YEATS2: variants seen among roughly 807,000 people sequenced by gnomAD.
YEATS2 encodes the protein YEATS domain-containing protein 2.
YEATS2 carries 77 observed loss-of-function variants against 163.2 expected under a neutral mutation model. The observed-to-expected ratio is 0.47, with a 90% CI of 0.39 to 0.57. The LOEUF (loss-of-function observed/expected upper bound fraction) is 0.57, where lower values mean the gene tolerates loss of function less well. YEATS2 is among the 20% of genes least tolerant of loss of function. The pLI, the probability that YEATS2 is intolerant of heterozygous loss-of-function variation, is 0.00. For missense variants in YEATS2, 1,549 were observed against 1,729.8 expected, an observed-to-expected ratio of 0.90 and a Z score of 1.85; for synonymous variants, 631 against 645.1, an observed-to-expected ratio of 0.98 and a Z score of 0.33.
intron 16 of YEATS2, among the ~76,000 whole-genome samples, chr3:183,772,782 C>T (rs1369506630): frequency 1.3e-5 from 2 of 148,596 alleles, no homozygotes; most frequent in African/African-American, 4.9e-5. Context: ...CACACACCCA[C>T]ATACACACAC....
intron 26 of YEATS2, 132 bp from the exon 27 acceptor site, chr3:183,803,855 A>T (rs1725921320): frequency 1.1e-6 from 1 of 898,876 alleles, no homozygotes; most frequent in Non-Finnish European, 1.7e-6. Flanking sequence ...GAGTAACACA[A>T]CCAGGTTTTT....
At chr3:183,703,475 G>A (rs1482890318) in intron 1 of YEATS2, among the ~76,000 whole-genome samples, 1 of 151,996 alleles carries the variant, frequency 6.6e-6, no homozygotes, top group Admixed American at 6.6e-5. Context: ...AGTAGTTGTG[G>A]TTTTTACTTT....
intron 6 of YEATS2, among the ~76,000 whole-genome samples, chr3:183,727,727 A>G (rs1006062335): frequency 5.3e-5 from 8 of 152,190 alleles, no homozygotes; most frequent in African/African-American, 1.9e-4. Flanking sequence ...TAATTTTACC[A>G]TGATCAGGGT....
intron 6 of YEATS2, 130 bp downstream of exon 6, chr3:183,724,661 G>C: frequency 7.8e-6 from 5 of 641,898 alleles, no homozygotes; most frequent in Non-Finnish European, 1.3e-5. Context: ...TGTTTAAAAA[G>C]TAAACCACAG....
chr3:183,711,261 G>A (rs950488321), intron 1 of YEATS2, among the ~76,000 whole-genome samples: 2 of 151,954 alleles, frequency 1.3e-5, no homozygotes, highest in African/African-American at 2.4e-5. Context: ...ACGAGGTCAG[G>A]AGATTGAGAC....
rs1339387633 is a variant in YEATS2 at position 183,747,653 on chromosome 3, C to T, written c.925-19C>T. Reference sequence around the variant, plus strand: ...TAAGTGCAGTGAAATTTAACACTCTCCCTTTTGTCTTTCCATAGCTGGATA... The same window carrying T: ...TAAGTGCAGTGAAATTTAACACTCTTCCTTTTGTCTTTCCATAGCTGGATA... On this transcript the variant is annotated intron_variant, in intron 8 of 30. Transcript: ENST00000305135. The T allele has an allele frequency of 1.9e-6, 3 of 1,608,876 alleles. No homozygotes were observed. The highest frequency in any genetic ancestry group is 2.2e-5 in the South Asian group (2 of 90,712).
rs902353143 is a variant in YEATS2, at chr3:183,777,634, A to G, written c.2670A>G (p.Thr890=). The change falls in exon 19 of 31, where the codon ACA becomes ACG. Residue 890 remains threonine (T), a synonymous_variant. Transcript: ENST00000305135. ...TCCAAGGAACACTGGGAGTCAGCAC[A>G]TCTTCTGCACAAGGACAACAAACGC... The part of the protein sequence containing the change: ...SVVQGTLGVS[T]SSAQGQQTLK... The G allele has an allele frequency of 6.2e-7, 1 of 1,614,220 alleles. No individual in the cohort carries two copies. Among genetic ancestry groups the G allele is most frequent in the Non-Finnish European group, 8.5e-7 (1 of 1,180,044 alleles).
intron 17 of YEATS2, among the ~76,000 whole-genome samples, chr3:183,774,383 CTGA>C (rs1322538353): frequency 6.6e-6 from 1 of 152,054 alleles, no homozygotes; most frequent in Non-Finnish European, 1.5e-5. Context: ...AATCTAATGC[CTGA>C]TGATCTGAGG....
intron 21 of YEATS2, among the ~76,000 whole-genome samples, chr3:183,795,137 A>C (rs1353990647): frequency 1.3e-5 from 2 of 149,812 alleles, no homozygotes; most frequent in Non-Finnish European, 3.0e-5. Context: ...GCATCACTGC[A>C]CTCCAGCCTG....
chr3:183,716,583 C>G (rs895424628), intron 2 of YEATS2, among the ~76,000 whole-genome samples: 1 of 152,132 alleles, frequency 6.6e-6, no homozygotes. Context: ...CTTTCAATTA[C>G]AAGCCAAATA....
At chr3:183,745,903 T>G (rs1157816770) in intron 8 of YEATS2, among the ~76,000 whole-genome samples, 2 of 152,236 alleles carry the variant, frequency 1.3e-5, no homozygotes, top group Non-Finnish European at 1.5e-5. Flanking sequence ...GCAAACACGG[T>G]TCACTGCAGT....
chr3:183,722,041 G>A lies in YEATS2; in HGVS notation c.442G>A (p.Asp148Asn). ...SESDSLSQHN[D>N]FLSDKDNNSN... ...AAGTGATTCTTTATCTCAGCACAAT[G>A]ACTTCTTATCTGACAAAGATAATAA... Residue 148 changes from aspartate to asparagine, a missense_variant, in exon 5 of 31, where the codon GAC (aspartate) becomes AAC (asparagine). Coordinates refer to ENST00000305135, the MANE Select transcript of YEATS2 (RefSeq NM_018023.5). The A allele has an allele frequency of 6.2e-7, 1 of 1,614,022 alleles. No individual in the cohort carries two copies. The highest frequency in any genetic ancestry group is 8.5e-7 in the Non-Finnish European group (1 of 1,180,016).
intron 20 of YEATS2, among the ~76,000 whole-genome samples, chr3:183,789,524 A>ATTTTTTTTT (rs1560317945): frequency 3.9e-5 from 3 of 77,062 alleles, no homozygotes; most frequent in African/African-American, 1.6e-4. Flanking sequence ...CATTCGAGTT[A>ATTTTTTTTT]ATTTTTTTTT....
intron 7 of YEATS2, among the ~76,000 whole-genome samples, chr3:183,730,091 G>C (rs1254364018): frequency 1.7e-5 from 1 of 58,240 alleles, no homozygotes; most frequent in Non-Finnish European, 3.0e-5. Context: ...TTTTTTTGGA[G>C]ACACATCCTG....
At chr3:183,758,837 GTT>G (rs1327262324) in intron 12 of YEATS2, 23 bp from the exon 13 acceptor site, 7 of 1,457,974 alleles carry the variant, frequency 4.8e-6, no homozygotes, top group Admixed American at 2.0e-5. Flanking sequence ...CTTTGTTTAT[GTT>G]TTAATTGTGC....
At chr3:183,785,986 A>T (rs956398183) in intron 19 of YEATS2, 139 bp from the exon 20 acceptor site, 8 of 915,062 alleles carry the variant, frequency 8.7e-6, no homozygotes, top group African/African-American at 1.7e-5. Context: ...AGGTGTGTAA[A>T]CACCTCATGT....
intron 15 of YEATS2, among the ~76,000 whole-genome samples, chr3:183,765,125 GT>G (rs1721775272): frequency 6.6e-6 from 1 of 152,184 alleles, no homozygotes; most frequent in Non-Finnish European, 1.5e-5. Flanking sequence ...TCCCACTGTG[GT>G]TCTGGCTTCA....
At position 183,777,685 on chromosome 3, in the gene YEATS2, C is replaced by T. The variant is rs762013345; in HGVS notation, c.2721C>T (p.Thr907=). The T allele has an allele frequency of 3.1e-6, 5 of 1,614,124 alleles. No individual in the cohort carries two copies. Among genetic ancestry groups the T allele is most frequent in the Non-Finnish European group, 4.2e-6 (5 of 1,180,016 alleles). Residue 907 remains threonine (T), a synonymous_variant, in exon 19 of 31, where the codon ACC becomes ACT. Transcript: ENST00000305135. ...TAAAAGTCATCTCTGGACAGAAAAC[C>T]ACATTGTTTACACAGGTAAATACGC... ...QTLKVISGQK[T]TLFTQAAHGG... is the part of the protein sequence containing the mutation.
chr3:183,745,568 CTTTGTAT>C (rs1207897147), intron 8 of YEATS2, among the ~76,000 whole-genome samples: 43 of 152,216 alleles, frequency 2.8e-4, no homozygotes, highest in African/African-American at 1.0e-3. Flanking sequence ...CTGAAGTGAT[CTTTGTAT>C]TTTGTACAGT....
Sources: gnomAD v4.1 joint callset for allele counts (sites outside exome capture counted in the v4.1 genomes callset) on GRCh38, gnomAD v4.1.1 for gene constraint, MANE v1.5 for transcripts, NCBI Gene and HGNC (gene_info 2026-07-23, HGNC 2026-07-21) for gene names.